COL5A2: variants seen among roughly 807,000 people sequenced by gnomAD.
The protein encoded by COL5A2 is collagen type V alpha 2 chain.
Under a neutral mutation model 208.2 loss-of-function variants are expected in COL5A2, and 23 were observed. The ratio of observed to expected loss-of-function variants is 0.11; its 90% confidence interval spans 0.08 to 0.16. The LOEUF is 0.16. COL5A2 is among the 10% of genes least tolerant of loss of function. COL5A2 has a pLI of 1.00. For missense variants in COL5A2, 1,590 were observed against 1,956.4 expected (o/e 0.81, Z 3.53); for synonymous variants, 625 against 628.5 (o/e 0.99, Z 0.08).
At chr2:189,317,825 G>C in the COL5A2 span, among the ~76,000 whole-genome samples, 3 of 152,228 alleles carry the variant, frequency 2.0e-5, no homozygotes, top group East Asian at 5.8e-4. Context: ...GGTGATGAAA[G>C]CAGCTATGCC....
At chr2:189,039,922 CA>C (rs1182584502) in intron 50 of COL5A2, among the ~76,000 whole-genome samples, 2 of 152,006 alleles carry the variant, frequency 1.3e-5, no homozygotes, top group Admixed American at 6.6e-5. Flanking sequence ...AAGGTACAAC[CA>C]AAATGTTTTA....
intron 1 of COL5A2, among the ~76,000 whole-genome samples, chr2:189,222,682 G>A (rs1291677548): frequency 7.2e-5 from 11 of 152,124 alleles, no homozygotes; most frequent in Non-Finnish European, 1.6e-4. Context: ...GCACTTAAGG[G>A]CTTGACTCCC....
chr2:189,122,605 A>C (rs1013688611), intron 1 of COL5A2, among the ~76,000 whole-genome samples: 11 of 152,214 alleles, frequency 7.2e-5, no homozygotes, highest in African/African-American at 2.7e-4. Flanking sequence ...AATACCTGCA[A>C]CATTCTATTA....
the COL5A2 span, among the ~76,000 whole-genome samples, chr2:189,337,328 G>A: frequency 5.3e-4 from 80 of 149,982 alleles, no homozygotes; most frequent in Middle Eastern, 3.5e-3. Flanking sequence ...GACTACAGGC[G>A]CCCGCCACTA....
chr2:189,231,377 A>G, the COL5A2 span, among the ~76,000 whole-genome samples: 1 of 151,902 alleles, frequency 6.6e-6, no homozygotes, highest in South Asian at 2.1e-4. Flanking sequence ...TACCAGGGAT[A>G]GTAGGAAAAT....
At chr2:189,088,283 G>A (rs1390626694) in intron 8 of COL5A2, among the ~76,000 whole-genome samples, 2 of 152,148 alleles carry the variant, frequency 1.3e-5, no homozygotes, top group African/African-American at 4.8e-5. Context: ...AGGATATTAA[G>A]TAGAAAATAA....
At position 189,198,584 on chromosome 2, in the gene COL5A2, T is replaced by A. The variant is rs1055496747; in HGVS notation, c.-42+26564A>T. On this transcript the variant is annotated intron_variant, in intron 1 of 10. Transcript: ENST00000649966. The stretch of plus-strand genomic sequence containing the variant: ...TTGTATTTGTTGGTTTGAGACATAA[T>A]GAACAGTCATTTATCAGACACCTTC... 2.6e-5 allele frequency among the ~76,000 whole-genome samples: 4 copies of A among 152,150 alleles called. 1 individual carries two copies. The East Asian group carries it at 7.7e-4, about 29-fold the overall frequency.
At chr2:189,141,545 T>C (rs1687934585) in intron 1 of COL5A2, among the ~76,000 whole-genome samples, 1 of 152,174 alleles carries the variant, frequency 6.6e-6, no homozygotes, top group East Asian at 1.9e-4. Context: ...AATTTATTTA[T>C]GGCTCCGGTT....
chr2:189,092,551 G>A (rs1686811350), intron 6 of COL5A2, 131 bp from the exon 7 acceptor site: 2 of 708,150 alleles, frequency 2.8e-6, no homozygotes, highest in East Asian at 2.7e-5. Flanking sequence ...TAGCCACTTA[G>A]AGTAATTTCA....
At chr2:189,097,563 G>T (rs1351838942) in intron 5 of COL5A2, 2 of 668,096 alleles carry the variant, frequency 3.0e-6, no homozygotes, top group African/African-American at 3.5e-5. Flanking sequence ...GCACATTATG[G>T]CATCATGGAG....
chr2:189,092,485 G>T (rs1231265071), intron 6 of COL5A2, 65 bp from the exon 7 acceptor site: 2 of 966,164 alleles, frequency 2.1e-6, no homozygotes, highest in African/African-American at 1.6e-5. Context: ...AAAGCTAAAG[G>T]CACAGACTTC....
rs1248817542 is a variant in COL5A2, at chr2:189,054,041, A to G, written c.2446-93T>C. The G allele has an allele frequency of 2.1e-6, 3 of 1,434,032 alleles. No individual in the cohort carries two copies. The African/African-American group carries it at 4.2e-5, about 20-fold the overall frequency. The allele number at this position is 1,434,032 out of a possible 1,614,324, so 88.8% of individuals were successfully genotyped here. A position where few individuals can be genotyped will look rare whatever the true frequency, so the allele number is the denominator to read the frequency against. On this transcript the variant is annotated intron_variant, in intron 36 of 53. Transcript: ENST00000374866. ...ACTGTGTAGGAGGAGATAGTGGAAA[A>G]GAACTCTGAAATGATCTTGCTCAGA...
chr2:189,335,227 A>T, the COL5A2 span, among the ~76,000 whole-genome samples: 1 of 152,212 alleles, frequency 6.6e-6, no homozygotes, highest in South Asian at 2.1e-4. Flanking sequence ...TAACACTATC[A>T]TCACAATAAT....
the COL5A2 span, among the ~76,000 whole-genome samples, chr2:189,230,487 C>T: frequency 0.6 from 90,189 of 151,526 alleles, 27,647 homozygotes; most frequent in East Asian, 0.72. Context: ...TATAGCTCAA[C>T]AGCAAGAAAA....
chr2:189,045,521 T>C (rs369476269), intron 46 of COL5A2, among the ~76,000 whole-genome samples: 2 of 152,212 alleles, frequency 1.3e-5, no homozygotes, highest in East Asian at 1.9e-4. Flanking sequence ...ACATTATTCA[T>C]TGACATTTAA....
intron 19 of COL5A2, among the ~76,000 whole-genome samples, 167 bp downstream of exon 19, chr2:189,068,619 C>T (rs562013688): frequency 2.6e-5 from 4 of 152,150 alleles, no homozygotes; most frequent in Non-Finnish European, 5.9e-5. Context: ...ATCTTAAATA[C>T]CCTGACTTGA....
At chr2:189,312,563 A>G in the COL5A2 span, among the ~76,000 whole-genome samples, 2 of 152,192 alleles carry the variant, frequency 1.3e-5, no homozygotes, top group Admixed American at 1.3e-4. Flanking sequence ...GCAAGAGGAC[A>G]GGACTCAGGC....
intron 47 of COL5A2, 84 bp downstream of exon 47, chr2:189,045,095 A>C: frequency 1.2e-6 from 1 of 856,764 alleles, no homozygotes; most frequent in Non-Finnish European, 1.8e-6. Flanking sequence ...CATATTTTTC[A>C]GTTATGAATC....
the COL5A2 span, among the ~76,000 whole-genome samples, chr2:189,273,001 G>A: frequency 6.6e-6 from 1 of 152,110 alleles, no homozygotes; most frequent in Non-Finnish European, 1.5e-5. Flanking sequence ...TAAGAAGAAG[G>A]TACAAATAGC....
Sources: gnomAD v4.1 joint callset for allele counts (sites outside exome capture counted in the v4.1 genomes callset) on GRCh38, gnomAD v4.1.1 for gene constraint, MANE v1.5 for transcripts, NCBI Gene and HGNC (gene_info 2026-07-23, HGNC 2026-07-21) for gene names.